The following RTN4 variants were observed in gnomAD, a reference collection of about 807,000 sequenced individuals.
The protein encoded by RTN4 is reticulon 4.
In RTN4, 32 loss-of-function variants were observed where a neutral mutation model predicts 90.4. That is an observed-to-expected ratio of 0.35 (90% confidence interval 0.27 to 0.48). RTN4 has a LOEUF of 0.48. RTN4 is among the 20% of genes least tolerant of loss of function. The pLI, the probability that RTN4 is intolerant of heterozygous loss-of-function variation, is 0.99. For missense variants in RTN4, 1,706 were observed against 1,430.2 expected (o/e 1.19, Z -3.11); for synonymous variants, 629 against 552.5 (o/e 1.14, Z -1.94).
intron 2 of RTN4, among the ~76,000 whole-genome samples, chr2:55,076,494 G>A (rs1482167039): frequency 7.0e-6 from 1 of 143,010 alleles, no homozygotes; most frequent in East Asian, 2.1e-4. Context: ...CCGCTTCCCA[G>A]GTTCTAGTGA....
At chr2:55,107,767 C>T (rs1667969000) in intron 1 of RTN4, among the ~76,000 whole-genome samples, 1 of 152,004 alleles carries the variant, frequency 6.6e-6, no homozygotes, top group South Asian at 2.1e-4. Flanking sequence ...ACAGAGATCC[C>T]AACTCAGGAT....
intron 4 of RTN4, among the ~76,000 whole-genome samples, chr2:54,985,054 T>G (rs1341262303): frequency 6.6e-6 from 1 of 151,958 alleles, no homozygotes; most frequent in Non-Finnish European, 1.5e-5. Context: ...GTAGAAAATT[T>G]AGAAGTTTTG....
intron 2 of RTN4, among the ~76,000 whole-genome samples, chr2:55,078,516 T>C (rs1462613022): frequency 6.6e-6 from 1 of 152,252 alleles, no homozygotes; most frequent in African/African-American, 2.4e-5. Flanking sequence ...AATAACTTCC[T>C]ATGGCTAAAT....
At chr2:54,994,854 A>G (rs1292722390) in intron 3 of RTN4, among the ~76,000 whole-genome samples, 1 of 152,254 alleles carries the variant, frequency 6.6e-6, no homozygotes, top group African/African-American at 2.4e-5. Context: ...ACTTTAAGTG[A>G]AATGACATGT....
chr2:55,051,098 T>A (rs575062126), upstream of RTN4, among the ~76,000 whole-genome samples: 47 of 152,242 alleles, frequency 3.1e-4, no homozygotes, highest in Admixed American at 2.7e-3. Context: ...AAGAAAAAAA[T>A]TGTTTTTTGA....
chr2:54,998,325 C>G (rs2104733024), intron 3 of RTN4, among the ~76,000 whole-genome samples: 1 of 152,098 alleles, frequency 6.6e-6, no homozygotes, highest in Non-Finnish European at 1.5e-5. Context: ...AGGTTGTAAA[C>G]TCCATAAAAG....
intron 1 of RTN4, among the ~76,000 whole-genome samples, chr2:55,095,738 C>T (rs1204667647): frequency 6.6e-6 from 1 of 152,152 alleles, no homozygotes; most frequent in Non-Finnish European, 1.5e-5. Context: ...ATGGGGATCT[C>T]ACTATGTTGC....
chr2:55,062,068 C>T (rs1486682487), intron 2 of RTN4, among the ~76,000 whole-genome samples: 4 of 152,088 alleles, frequency 2.6e-5, no homozygotes, highest in African/African-American at 9.7e-5. Context: ...GGCACGCCGG[C>T]AGGTCATTGA....
chr2:55,092,223 AT>A (rs1158247126), intron 1 of RTN4, among the ~76,000 whole-genome samples: 10 of 137,980 alleles, frequency 7.2e-5, no homozygotes, highest in South Asian at 6.8e-4. Context: ...GAAGGGAGAG[AT>A]TTTTTTTTCT....
chr2:55,057,999 A>AATT (rs1668220597), intron 2 of RTN4, among the ~76,000 whole-genome samples: 1 of 152,056 alleles, frequency 6.6e-6, no homozygotes, highest in Non-Finnish European at 1.5e-5. Context: ...AAAATAAATA[A>AATT]ATAATAGAGT....
intron 3 of RTN4, among the ~76,000 whole-genome samples, chr2:55,006,743 A>C (rs1015551949): frequency 1.3e-5 from 2 of 151,992 alleles, no homozygotes; most frequent in African/African-American, 4.8e-5. Flanking sequence ...TCCATTTCTC[A>C]CTCATATTAA....
At chr2:54,978,862 A>T (rs969902728) in intron 5 of RTN4, among the ~76,000 whole-genome samples, 3 of 152,204 alleles carry the variant, frequency 2.0e-5, no homozygotes, top group Admixed American at 6.5e-5. Context: ...AGGCATTAAA[A>T]TAAATCCGTT....
chr2:54,991,994 C>T (rs1294231821), intron 3 of RTN4, among the ~76,000 whole-genome samples: 1 of 152,126 alleles, frequency 6.6e-6, no homozygotes, highest in Non-Finnish European at 1.5e-5. Context: ...CTCCTTTATG[C>T]CAAACACTGC....
intron 1 of RTN4, among the ~76,000 whole-genome samples, chr2:55,044,784 C>CAAAAAAAAA (rs1683304701): frequency 8.4e-5 from 1 of 11,944 alleles, no homozygotes; most frequent in African/African-American, 5.1e-4. Flanking sequence ...TTGCAAATCA[C>CAAAAAAAAA]TAAAAAAAAA....
intron 3 of RTN4, among the ~76,000 whole-genome samples, chr2:54,992,760 A>C (rs568431022): frequency 1.3e-5 from 2 of 152,288 alleles, no homozygotes; most frequent in African/African-American, 4.8e-5. Flanking sequence ...GACTCACAGT[A>C]TATTCTCACT....
Position 55,031,488 on chromosome 2 carries a change from C to T in RTN4, c.557-3268G>A, listed in dbSNP as rs1032446929. Among the ~76,000 whole-genome samples the T allele has an allele frequency of 5.3e-5, 8 of 152,210 alleles. No homozygotes were observed. The South Asian group carries it at 1.4e-3, about 28-fold the overall frequency. On this transcript the variant is annotated intron_variant, in intron 1 of 8. Transcript: ENST00000337526. ...CTCTTAAACCTCTGGGTGAATACTA[C>T]GCTGCATGTGCACAGCACAAGACTC...
rs759360872 is a variant in RTN4, at chr2:55,050,175, C to CTCTTCCTCCTCCTCT, written c.111_125dup (p.Glu39_Glu43dup). The CTCTTCCTCCTCCTCT allele has an allele frequency of 5.7e-6, 9 of 1,568,626 alleles. No homozygotes were observed. In the South Asian group the frequency reaches 8.1e-5, roughly 14 times the overall value. ...CCTCCAGGTCTTCGTCCTCGTCCTC[C>CTCTTCCTCCTCCTCT]TCTTCCTCCTCCTCTTCTTCCTCCT... On this transcript the variant is annotated inframe_insertion, in exon 1 of 9. Coordinates refer to ENST00000337526, the MANE Select transcript of RTN4 (RefSeq NM_020532.5). This position sits in a 1 kb window ranked among gnomAD's most constrained non-coding sequence, Gnocchi z 4.6.
chr2:54,994,147 T>C (rs189542738), intron 3 of RTN4, among the ~76,000 whole-genome samples: 91 of 152,350 alleles, frequency 6.0e-4, no homozygotes, highest in African/African-American at 1.8e-3. Context: ...CTGAGAAATA[T>C]AGTGTTTTTC....
In RTN4 at chr2:55,025,352, G is replaced by C; in HGVS notation, c.2747C>G (p.Pro916Arg). 6.2e-7 allele frequency: 1 copy of C among 1,613,824 alleles called. No homozygotes were observed. The highest frequency in any genetic ancestry group is 1.3e-5 in the African/African-American group (1 of 74,986). Residue 916 changes from proline (P) to arginine (R), a missense_variant, in exon 3 of 9, where the codon CCC becomes CGC. Pro to Arg is a moderately radical substitution (Grantham distance 103). Transcript: ENST00000337526. ...TATGTTCTTCAAAGAAAGGTCATGG[G>C]GCAATTCTGTGCAAGGCAATGACCC... is the stretch of plus-strand genomic sequence containing the variant. Reference protein sequence around the residue: ...GAGSLPCTELPHDLSLKNIQP... With the variant: ...GAGSLPCTELRHDLSLKNIQP...
Sources: gnomAD v4.1 joint callset for allele counts (sites outside exome capture counted in the v4.1 genomes callset) on GRCh38, gnomAD v4.1.1 for gene constraint, Gnocchi (gnomAD v3.1) non-coding constraint, MANE v1.5 for transcripts, NCBI Gene and HGNC (gene_info 2026-07-23, HGNC 2026-07-21) for gene names.